Variants in NEK11 observed in about 807,000 individuals in gnomAD.
NEK11 encodes the protein NIMA related kinase 11.
A neutral mutation model predicts 80.7 loss-of-function variants in NEK11; 72 were observed. The observed-to-expected ratio is 0.89, with a 90% CI of 0.74 to 1.08. The LOEUF (loss-of-function observed/expected upper bound fraction) is 1.08. Ranked by LOEUF, NEK11 falls within the 50% of genes least tolerant of loss-of-function variation. The probability of loss-of-function intolerance (pLI) is 0.00; values close to 1 mark genes in which losing one functional copy is unlikely to be tolerated. For synonymous variants in NEK11, 251 were observed against 260.7 expected, an observed-to-expected ratio of 0.96 and a Z score of 0.36; for missense variants, 764 against 763.6, an observed-to-expected ratio of 1.00 and a Z score of -0.01.
chr3:131,262,852 C>G (rs1440869394), intron 16 of NEK11, among the ~76,000 whole-genome samples: 1 of 143,478 alleles, frequency 7.0e-6, no homozygotes, highest in Non-Finnish European at 1.5e-5. Context: ...TGTGATGTCC[C>G]CCTCCCTAAG....
chr3:131,270,676 A>G (rs1381445357), intron 16 of NEK11, among the ~76,000 whole-genome samples: 2 of 152,194 alleles, frequency 1.3e-5, no homozygotes, highest in Admixed American at 6.5e-5. Flanking sequence ...AGCTTTGCCA[A>G]CCCTGTTACT....
chr3:131,270,128 C>G (rs1330848974), intron 16 of NEK11, among the ~76,000 whole-genome samples: 1 of 152,226 alleles, frequency 6.6e-6, no homozygotes, highest in Non-Finnish European at 1.5e-5. Context: ...TGCAGAGTAT[C>G]TGCCCTAGTT....
intron 17 of NEK11, among the ~76,000 whole-genome samples, chr3:131,340,011 C>G (rs1192918655): frequency 3.3e-5 from 5 of 152,164 alleles, no homozygotes; most frequent in Non-Finnish European, 7.4e-5. Flanking sequence ...TTGAAGGAAA[C>G]TAAAGAGACA....
chr3:131,308,142 A>G (rs990840934), intron 17 of NEK11, among the ~76,000 whole-genome samples: 1 of 152,154 alleles, frequency 6.6e-6, no homozygotes, highest in East Asian at 1.9e-4. Flanking sequence ...TTCTATTTTT[A>G]TGGTCACCTC....
chr3:131,226,245 G>T (rs1293257335), intron 14 of NEK11, among the ~76,000 whole-genome samples: 1 of 152,146 alleles, frequency 6.6e-6, no homozygotes, highest in Non-Finnish European at 1.5e-5. Flanking sequence ...GGCAGAACTG[G>T]AGATCTCTCA....
At chr3:131,317,730 A>T (rs1199900180) in intron 17 of NEK11, among the ~76,000 whole-genome samples, 1 of 144,390 alleles carries the variant, frequency 6.9e-6, no homozygotes, top group Non-Finnish European at 1.5e-5. Context: ...CCCTTGGGTG[A>T]CATAGTGAAA....
Position 131,228,609 on chromosome 3 carries a change from A to T in NEK11, c.1481A>T (p.Glu494Val). 4 of 1,613,494 alleles carry T rather than the reference A, an allele frequency of 2.5e-6. No homozygotes were observed. Among genetic ancestry groups the T allele is most frequent in the Non-Finnish European group, 3.4e-6 (4 of 1,179,514 alleles). Reference sequence around the variant, plus strand: ...TATTGTGAAGAGAGTGATGAGGAGGAAGAAGAAATAGCGTTAGAAAGACCA... The same window carrying T: ...TATTGTGAAGAGAGTGATGAGGAGGTAGAAGAAATAGCGTTAGAAAGACCA... ...DSYCEESDEE[E>V]EEIALERPEK... The change falls in exon 15 of 18, where the codon GAA becomes GTA. Residue 494 changes from glutamate to valine, a missense_variant. Transcript: ENST00000383366.
At chr3:131,097,326 G>A (rs2077597108) in intron 4 of NEK11, among the ~76,000 whole-genome samples, 1 of 151,652 alleles carries the variant, frequency 6.6e-6, no homozygotes, top group South Asian at 2.1e-4. Flanking sequence ...TTCCACAATG[G>A]TTGAACTAGT....
chr3:131,150,295 C>A (rs371925148), intron 7 of NEK11, among the ~76,000 whole-genome samples: 2 of 151,966 alleles, frequency 1.3e-5, no homozygotes, highest in East Asian at 3.9e-4. Context: ...AAATTGAATT[C>A]TGTTATTGTT....
Position 131,349,750 on chromosome 3 carries a change from G to T in NEK11, c.1912G>T (p.Glu638Ter), listed in dbSNP as rs145109930. 49 of 1,614,074 alleles carry T rather than the reference G, an allele frequency of 3.0e-5. No individual in the cohort carries two copies. Among genetic ancestry groups the T allele is most frequent in the Non-Finnish European group, 2.5e-6 (3 of 1,179,926 alleles). Residue 638 changes from glutamate (E) to a stop codon, truncating the protein, a stop_gained, in exon 18 of 18, where the codon GAA (glutamate) becomes TAA (stop). Coordinates refer to ENST00000383366, the MANE Select transcript of NEK11 (RefSeq NM_024800.5). LOFTEE classifies it high-confidence loss of function. Reference protein sequence around the residue: ...EEQLLITMGKEPTLQNHL With the variant: ...EEQLLITMGK ...GCAGTTGCTGATCACGATGGGAAAA[G>T]AACCTACTCTCCAGAACCATCTCTA...
chr3:131,249,027 G>A (rs1580852286), intron 16 of NEK11, among the ~76,000 whole-genome samples: 1 of 149,938 alleles, frequency 6.7e-6, no homozygotes. Context: ...TTTCCTTAAA[G>A]AAATGAGCAT....
At chr3:131,029,955 G>C (rs1423296567) in intron 3 of NEK11, 77 bp downstream of exon 3, 1 of 1,397,628 alleles carries the variant, frequency 7.2e-7, no homozygotes, top group Non-Finnish European at 1.0e-6. Flanking sequence ...GGAACATGGA[G>C]CAGGCCAGGT....
chr3:131,080,678 T>C (rs1375530827), intron 4 of NEK11, 90 bp downstream of exon 4: 58 of 1,099,302 alleles, frequency 5.3e-5, no homozygotes, highest in Non-Finnish European at 6.9e-5. Context: ...AGTCCAATTA[T>C]CACACCATAA....
intron 12 of NEK11, among the ~76,000 whole-genome samples, chr3:131,168,502 G>T (rs1169893291): frequency 1.3e-5 from 2 of 149,802 alleles, no homozygotes; most frequent in African/African-American, 4.9e-5. Flanking sequence ...GACTACAGGC[G>T]CCCGCCACTA....
In NEK11 at chr3:131,340,024, A is replaced by G. The variant is rs115037376; in HGVS notation, c.1719-9533A>G. ...CATTGAAGGAAACTAAAGAGACATG[A>G]CAAGTAAATGGAACTCATGATTATT... On this transcript the variant is annotated intron_variant, in intron 17 of 17. Transcript: ENST00000383366. Among the ~76,000 whole-genome samples the G allele has an allele frequency of 8.6e-3, 1,307 of 152,344 alleles. 14 individuals are homozygous for G. Among genetic ancestry groups the G allele is most frequent in the African/African-American group, 0.028 (1,159 of 41,582 alleles).
At chr3:131,273,607 T>C (rs754159642) in intron 17 of NEK11, 33 bp downstream of exon 17, 5 of 1,516,870 alleles carry the variant, frequency 3.3e-6, no homozygotes, top group Non-Finnish European at 4.6e-6. Context: ...CCTAGGAAGG[T>C]GCAGTGTTAA....
chr3:131,274,601 C>CACA (rs1375266154), intron 17 of NEK11, among the ~76,000 whole-genome samples: 1 of 147,218 alleles, frequency 6.8e-6, no homozygotes, highest in Non-Finnish European at 1.5e-5. Flanking sequence ...CCTATTTCTC[C>CACA]ACATCCTCTC....
Position 131,152,430 on chromosome 3 carries a change from T to C in NEK11, c.690T>C (p.His230=), listed in dbSNP as rs532250406. 6 of 1,613,928 alleles carry C rather than the reference T, an allele frequency of 3.7e-6. No homozygotes were observed. Among genetic ancestry groups the C allele is most frequent in the Non-Finnish European group, 5.1e-6 (6 of 1,179,892 alleles). Residue 230 remains histidine (H), a synonymous_variant, in exon 8 of 18, where the codon CAT becomes CAC. Transcript: ENST00000383366. ...CILYEMCCMN[H]AFAGSNFLSI... is the part of the protein sequence containing the mutation. Reference sequence around the variant, plus strand: ...TGTATGAGATGTGCTGCATGAATCATGCATTCGCTGGCTCCAATTTCTTAT... The same window carrying C: ...TGTATGAGATGTGCTGCATGAATCACGCATTCGCTGGCTCCAATTTCTTAT...
intron 3 of NEK11, among the ~76,000 whole-genome samples, chr3:131,042,116 A>T (rs1826527): frequency 6.6e-6 from 1 of 152,166 alleles, no homozygotes; most frequent in Non-Finnish European, 1.5e-5. Context: ...AGGAGATTCC[A>T]TCAGGGGCCT....
Sources: gnomAD v4.1 joint callset for allele counts (sites outside exome capture counted in the v4.1 genomes callset) on GRCh38, gnomAD v4.1.1 for gene constraint, MANE v1.5 for transcripts, NCBI Gene and HGNC (gene_info 2026-07-23, HGNC 2026-07-21) for gene names.